Variants in CDH4 observed in about 807,000 individuals in gnomAD.
CDH4 encodes the protein cadherin-4.
In CDH4, 33 loss-of-function variants were observed where a neutral mutation model predicts 86.0. The ratio of observed to expected loss-of-function variants is 0.38; its 90% confidence interval spans 0.29 to 0.51. The LOEUF (loss-of-function observed/expected upper bound fraction) is 0.51. Among genes scored for constraint, CDH4 ranks in the 20% least tolerant of loss-of-function variants. The probability of loss-of-function intolerance (pLI) is 0.86; values close to 1 mark genes in which losing one functional copy is unlikely to be tolerated. For synonymous variants in CDH4, 555 were observed against 549.4 expected, an observed-to-expected ratio of 1.01 and a Z score of -0.14; for missense variants, 1,114 against 1,307.4, an observed-to-expected ratio of 0.85 and a Z score of 2.28.
rs1984166240 is a variant in CDH4 at position 61,879,092 on chromosome 20, T to G, written c.1050+5192T>G. On this transcript the variant is annotated intron_variant, in intron 7 of 15. Transcript: ENST00000614565. This position sits in a 1 kb window ranked among gnomAD's most constrained non-coding sequence, Gnocchi z 4.1. Reference sequence around the variant, plus strand: ...AAGACAACGGCTCCAGGACCACCGTTGCCAGGCATTAGTAAACCCACGCAG... The same window carrying G: ...AAGACAACGGCTCCAGGACCACCGTGGCCAGGCATTAGTAAACCCACGCAG... 6.6e-6 allele frequency among the ~76,000 whole-genome samples: 1 copy of G among 152,246 alleles called. No individual in the cohort carries two copies. The highest frequency in any genetic ancestry group is 2.4e-5 in the African/African-American group (1 of 41,468).
chr20:61,600,741 A>G (rs903108815), intron 2 of CDH4, among the ~76,000 whole-genome samples: 1 of 152,218 alleles, frequency 6.6e-6, no homozygotes, highest in African/African-American at 2.4e-5. Flanking sequence ...ACTTTAAATC[A>G]ACTCTAGATT....
At chr20:61,381,936 C>T (rs8116979) in intron 2 of CDH4, among the ~76,000 whole-genome samples, 36,464 of 150,518 alleles carry the variant, frequency 0.24, 4,806 homozygotes, top group African/African-American at 0.34. Context: ...ATTAGCCAGG[C>T]ATGGTGGCAG....
intron 2 of CDH4, among the ~76,000 whole-genome samples, chr20:61,448,289 A>G (rs753973494): frequency 2.6e-5 from 4 of 152,224 alleles, no homozygotes; most frequent in Non-Finnish European, 4.4e-5. Context: ...TATAGTTTCC[A>G]TAAGCGATGT....
chr20:61,340,673 C>A (rs1478876670), intron 2 of CDH4, among the ~76,000 whole-genome samples: 4 of 151,602 alleles, frequency 2.6e-5, no homozygotes, highest in African/African-American at 4.9e-5. Context: ...CAGCCTCCAT[C>A]TTCTGGGCTC....
intron 2 of CDH4, among the ~76,000 whole-genome samples, chr20:61,735,248 G>A (rs2088248135): frequency 6.6e-6 from 1 of 152,198 alleles, no homozygotes; most frequent in African/African-American, 2.4e-5. Flanking sequence ...CCCAGCAGCT[G>A]GAATTAGGGA....
In CDH4 at chr20:61,510,965, G is replaced by T. The variant is rs1466988635; in HGVS notation, c.170-232598G>T. Reference sequence around the variant, plus strand: ...AGTGAGAGAGAGAGAGAAAGTTGGGGGCGGCTGTCTCACACTTTTTAATAA... The same window carrying T: ...AGTGAGAGAGAGAGAGAAAGTTGGGTGCGGCTGTCTCACACTTTTTAATAA... On this transcript the variant is annotated intron_variant, in intron 2 of 15. Transcript: ENST00000614565. This position sits in a 1 kb window ranked among gnomAD's most constrained non-coding sequence, Gnocchi z 4.2. 6.6e-6 allele frequency among the ~76,000 whole-genome samples: 1 copy of T among 151,736 alleles called. No homozygotes were observed. The highest frequency in any genetic ancestry group is 1.5e-5 in the Non-Finnish European group (1 of 67,962).
chr20:61,286,960 T>G (rs1203971133), intron 2 of CDH4, among the ~76,000 whole-genome samples: 2 of 152,206 alleles, frequency 1.3e-5, no homozygotes, highest in Non-Finnish European at 1.5e-5. Flanking sequence ...GTCACCCTTC[T>G]CAATGGTGCT....
rs1370828458 is a variant in CDH4, at chr20:61,811,207, G to A, written c.577-33461G>A. On this transcript the variant is annotated intron_variant, in intron 4 of 15. Transcript: ENST00000614565. This position sits in a 1 kb window ranked among gnomAD's most constrained non-coding sequence, Gnocchi z 4.4. ...AAAAAATGCAATCCCTGCTGAGGAT[G>A]TGAACCAGGTGAAGTGAAGAATTGC... Among the ~76,000 whole-genome samples the A allele has an allele frequency of 1.3e-5, 2 of 152,200 alleles. No individual in the cohort carries two copies. Among genetic ancestry groups the A allele is most frequent in the Non-Finnish European group, 2.9e-5 (2 of 68,042 alleles).
chr20:61,441,097 C>A (rs2085313001), intron 2 of CDH4, among the ~76,000 whole-genome samples: 1 of 152,194 alleles, frequency 6.6e-6, no homozygotes, highest in Non-Finnish European at 1.5e-5. Context: ...GAGATGACTT[C>A]TTTGAGTTCC....
At chr20:61,390,030 A>AC (rs2084973260) in intron 2 of CDH4, among the ~76,000 whole-genome samples, 1 of 149,730 alleles carries the variant, frequency 6.7e-6, no homozygotes, top group Non-Finnish European at 1.5e-5. Flanking sequence ...TGTCTGGGAG[A>AC]CCCCGATTGA....
intron 2 of CDH4, among the ~76,000 whole-genome samples, chr20:61,616,995 C>G (rs1172741238): frequency 1.3e-5 from 2 of 152,166 alleles, no homozygotes; most frequent in Non-Finnish European, 2.9e-5. Context: ...AACAGAGGAA[C>G]AAATAGCTCC....
At chr20:61,625,470 G>A (rs987971427) in intron 2 of CDH4, among the ~76,000 whole-genome samples, 9 of 152,108 alleles carry the variant, frequency 5.9e-5, no homozygotes, top group African/African-American at 1.4e-4. Flanking sequence ...TCCAAAGAGC[G>A]CATGTGGGAG....
At chr20:61,511,126 C>T (rs75750986) in intron 2 of CDH4, among the ~76,000 whole-genome samples, 3,142 of 152,336 alleles carry the variant, frequency 0.021, 61 homozygotes, top group Non-Finnish European at 0.031. Flanking sequence ...ATGAGATTTG[C>T]TGGGGGCAAA....
At chr20:61,789,129 C>A (rs1979029677) in intron 4 of CDH4, among the ~76,000 whole-genome samples, 1 of 152,174 alleles carries the variant, frequency 6.6e-6, no homozygotes, top group South Asian at 2.1e-4. Flanking sequence ...TCCCTGGTAC[C>A]AACCCGGGGA....
At chr20:61,571,497 G>A (rs1044154948) in intron 2 of CDH4, among the ~76,000 whole-genome samples, 5 of 152,136 alleles carry the variant, frequency 3.3e-5, no homozygotes, top group African/African-American at 1.2e-4. Flanking sequence ...CACGGCAGGT[G>A]CCCCACTTTA....
At chr20:61,710,980 C>G (rs912543333) in intron 2 of CDH4, among the ~76,000 whole-genome samples, 1 of 152,160 alleles carries the variant, frequency 6.6e-6, no homozygotes, top group African/African-American at 2.4e-5. Flanking sequence ...TTCTCAAGGT[C>G]AGAAGCTGAT....
chr20:61,526,056 C>T (rs1023714147), intron 2 of CDH4, among the ~76,000 whole-genome samples: 1 of 152,166 alleles, frequency 6.6e-6, no homozygotes, highest in South Asian at 2.1e-4. Context: ...AACACATGGT[C>T]TCCCAAAACT....
At chr20:61,848,353 C>T (rs887377457) in intron 5 of CDH4, among the ~76,000 whole-genome samples, 1 of 152,244 alleles carries the variant, frequency 6.6e-6, no homozygotes, top group Non-Finnish European at 1.5e-5. Context: ...TTTGCACACA[C>T]GTTGCCTTCC....
intron 4 of CDH4, among the ~76,000 whole-genome samples, chr20:61,840,753 G>A (rs1424299230): frequency 6.6e-6 from 1 of 152,208 alleles, no homozygotes; most frequent in African/African-American, 2.4e-5. Flanking sequence ...TGATCTGGTG[G>A]ATTCACTCGC....
Sources: gnomAD v4.1 joint callset for allele counts (sites outside exome capture counted in the v4.1 genomes callset) on GRCh38, gnomAD v4.1.1 for gene constraint, Gnocchi (gnomAD v3.1) non-coding constraint, MANE v1.5 for transcripts, NCBI Gene and HGNC (gene_info 2026-07-23, HGNC 2026-07-21) for gene names.